KCNAB1: variants seen among roughly 807,000 people sequenced by gnomAD.
The protein encoded by KCNAB1 is potassium voltage-gated channel subfamily A regulatory beta subunit 1.
In KCNAB1, 35 loss-of-function variants were observed where a neutral mutation model predicts 64.6. The ratio of observed to expected loss-of-function variants is 0.54; its 90% confidence interval spans 0.41 to 0.72. The LOEUF (loss-of-function observed/expected upper bound fraction) is 0.72, where lower values mean the gene tolerates loss of function less well. Ranked by LOEUF, KCNAB1 falls within the 30% of genes least tolerant of loss-of-function variation. KCNAB1 has a pLI of 0.00. For missense variants in KCNAB1, 401 were observed against 512.9 expected (o/e 0.78, Z 2.11); for synonymous variants, 177 against 183.8 (o/e 0.96, Z 0.30).
chr3:156,323,511 C>T (rs1267174668), intron 1 of KCNAB1, among the ~76,000 whole-genome samples: 1 of 152,090 alleles, frequency 6.6e-6, no homozygotes, highest in Admixed American at 6.6e-5. Flanking sequence ...ACATTGACCC[C>T]CATGTCCTAA....
upstream of KCNAB1, chr3:156,120,455 T>C (rs1577602752): frequency 1.2e-6 from 1 of 836,372 alleles, no homozygotes; most frequent in Non-Finnish European, 1.9e-6. Context: ...TACATTTTCA[T>C]CCCAAGCCAC....
chr3:156,403,424 G>A (rs894121789), intron 1 of KCNAB1, among the ~76,000 whole-genome samples: 1 of 152,202 alleles, frequency 6.6e-6, no homozygotes, highest in Non-Finnish European at 1.5e-5. Flanking sequence ...TAACCATAGT[G>A]GGCAGGTAAG....
At position 156,284,439 on chromosome 3, in the gene KCNAB1, C is replaced by A. The variant is rs192256310; in HGVS notation, c.276-137177C>A. Among the ~76,000 whole-genome samples the A allele has an allele frequency of 1.4e-3, 218 of 152,350 alleles. 1 individual carries two copies. Among genetic ancestry groups the A allele is most frequent in the African/African-American group, 4.8e-3 (201 of 41,586 alleles). ...CTTTTTGTTTGTCTGTGTCCTGCCC[C>A]CAGAGGTGGAGCCTACAGAGGCAGG... On this transcript the variant is annotated intron_variant, in intron 1 of 13. Transcript: ENST00000490337.
In KCNAB1 at chr3:156,465,658, A is replaced by G. The variant is rs1559898777; in HGVS notation, c.543A>G (p.Arg181=). 1 of 1,613,444 alleles carries G rather than the reference A, an allele frequency of 6.2e-7. No individual in the cohort carries two copies. The highest frequency in any genetic ancestry group is 1.7e-5 in the Admixed American group (1 of 60,008). ...TTCTTGGCAGAGCTGAAACAGAAAG[A>G]GGGCTGTCAAGAAAGCATATTATTG... The part of the protein sequence containing the change: ...LYWGGKAETE[R]GLSRKHIIEG... Residue 181 remains arginine (R), a synonymous_variant, in exon 7 of 14, where the codon AGA becomes AGG. Coordinates refer to ENST00000490337, the MANE Select transcript of KCNAB1 (RefSeq NM_172160.3).
At chr3:156,462,767 C>A (rs535927423) in intron 5 of KCNAB1, among the ~76,000 whole-genome samples, 2 of 152,178 alleles carry the variant, frequency 1.3e-5, no homozygotes, top group Non-Finnish European at 2.9e-5. Flanking sequence ...TTGGCCTTAA[C>A]CTTTGAATCT....
At chr3:156,142,189 C>T (rs753524353) in intron 1 of KCNAB1, among the ~76,000 whole-genome samples, 11 of 152,096 alleles carry the variant, frequency 7.2e-5, no homozygotes, top group Non-Finnish European at 1.0e-4. Context: ...TATTTTCTCC[C>T]AGTCTGTAAT....
At chr3:156,208,029 G>T (rs1179225128) in intron 1 of KCNAB1, among the ~76,000 whole-genome samples, 6 of 152,160 alleles carry the variant, frequency 3.9e-5, no homozygotes, top group Admixed American at 1.3e-4. Context: ...TTCAAAGTAA[G>T]AAACTTTGGT....
At chr3:156,459,280 A>G (rs569835114) in intron 4 of KCNAB1, among the ~76,000 whole-genome samples, 1 of 152,224 alleles carries the variant, frequency 6.6e-6, no homozygotes, top group East Asian at 1.9e-4. Context: ...ACACTTCGTT[A>G]TGTCTTCCTC....
At chr3:156,242,473 A>G (rs994205014) in intron 1 of KCNAB1, among the ~76,000 whole-genome samples, 2 of 152,058 alleles carry the variant, frequency 1.3e-5, no homozygotes, top group Admixed American at 6.5e-5. Flanking sequence ...TCTGATAATG[A>G]ACTTTCTGCC....
At chr3:156,263,836 A>AT (rs1481262850) in intron 1 of KCNAB1, among the ~76,000 whole-genome samples, 1 of 151,922 alleles carries the variant, frequency 6.6e-6, no homozygotes, top group Non-Finnish European at 1.5e-5. Flanking sequence ...TTAATTGTTG[A>AT]TTTTTTCAAA....
chr3:156,229,279 T>C (rs1035219223), intron 1 of KCNAB1, among the ~76,000 whole-genome samples: 5 of 151,924 alleles, frequency 3.3e-5, no homozygotes, highest in African/African-American at 1.2e-4. Context: ...ATAATTATGG[T>C]GGAAGGCACA....
intron 1 of KCNAB1, among the ~76,000 whole-genome samples, chr3:156,338,170 A>T (rs1553849129): frequency 1.3e-5 from 2 of 152,184 alleles, no homozygotes; most frequent in Non-Finnish European, 1.5e-5. Context: ...CCAAGGTCAC[A>T]TCAGTCAGTT....
chr3:156,308,925 GCA>G (rs1320653640), intron 1 of KCNAB1, among the ~76,000 whole-genome samples: 2 of 151,954 alleles, frequency 1.3e-5, no homozygotes, highest in Non-Finnish European at 2.9e-5. Context: ...AAAAAAATTG[GCA>G]CACACACTTG....
intron 1 of KCNAB1, among the ~76,000 whole-genome samples, chr3:156,271,718 C>T (rs533813140): frequency 9.2e-5 from 14 of 152,194 alleles, no homozygotes; most frequent in East Asian, 3.9e-4. Context: ...CATTTGGTGA[C>T]GTCATGTTTT....
At chr3:156,233,760 G>T (rs1427579458) in intron 1 of KCNAB1, among the ~76,000 whole-genome samples, 2 of 152,062 alleles carry the variant, frequency 1.3e-5, no homozygotes, top group African/African-American at 2.4e-5. Context: ...TCAGTAAAGA[G>T]CTGGGAAGAC....
intron 1 of KCNAB1, among the ~76,000 whole-genome samples, chr3:156,277,148 A>T (rs1278088873): frequency 6.6e-6 from 1 of 152,132 alleles, no homozygotes; most frequent in Non-Finnish European, 1.5e-5. Flanking sequence ...AAAGAGGGAG[A>T]TGAGGGAATA....
chr3:156,221,517 G>A (rs11915832), intron 1 of KCNAB1, among the ~76,000 whole-genome samples: 84,629 of 151,976 alleles, frequency 0.56, 24,426 homozygotes, highest in East Asian at 0.9. Context: ...GGAGACTCAC[G>A]CCTGTAATCC....
At chr3:156,392,019 T>G (rs1277747970) in intron 1 of KCNAB1, among the ~76,000 whole-genome samples, 1 of 152,202 alleles carries the variant, frequency 6.6e-6, no homozygotes, top group Non-Finnish European at 1.5e-5. Flanking sequence ...GTTCTTGGTA[T>G]AAAGCATGAT....
rs1717000835 is a variant in KCNAB1 at position 156,508,932 on chromosome 3, T to C, written c.659-5432T>C. ...GGACTTAACAAAGTCTTTCAATAGT[T>C]TAGTCAGTTTTTCTAAAAGTTTGTG... On this transcript the variant is annotated intron_variant, in intron 8 of 13. Coordinates refer to ENST00000490337, the MANE Select transcript of KCNAB1 (RefSeq NM_172160.3). This position sits in a 1 kb window ranked among gnomAD's most constrained non-coding sequence, Gnocchi z 4.1. 6.6e-6 allele frequency among the ~76,000 whole-genome samples: 1 copy of C among 152,080 alleles called. No homozygotes were observed. Among genetic ancestry groups the C allele is most frequent in the Non-Finnish European group, 1.5e-5 (1 of 68,024 alleles).
Sources: gnomAD v4.1 joint callset for allele counts (sites outside exome capture counted in the v4.1 genomes callset) on GRCh38, gnomAD v4.1.1 for gene constraint, Gnocchi (gnomAD v3.1) non-coding constraint, MANE v1.5 for transcripts, NCBI Gene and HGNC (gene_info 2026-07-23, HGNC 2026-07-21) for gene names.